TEX10: variants seen among roughly 807,000 people sequenced by gnomAD.
TEX10 encodes testis expressed 10.
A neutral mutation model predicts 104.4 loss-of-function variants in TEX10; 24 were observed. That is an observed-to-expected ratio of 0.23 (90% CI 0.17 to 0.32). The LOEUF (loss-of-function observed/expected upper bound fraction) is 0.32, where lower values mean the gene tolerates loss of function less well. Among genes scored for constraint, TEX10 ranks in the 10% least tolerant of loss-of-function variants. The pLI is 1.00. For missense variants in TEX10, 921 were observed against 1,083.9 expected (o/e 0.85, Z 2.11); for synonymous variants, 396 against 393.4 (o/e 1.01, Z -0.08).
intron 5 of TEX10, among the ~76,000 whole-genome samples, chr9:100,340,046 ATT>A (rs1421585715): frequency 6.6e-6 from 1 of 152,164 alleles, no homozygotes; most frequent in Non-Finnish European, 1.5e-5. Flanking sequence ...CAAAAAAACC[ATT>A]TTACAGACTA....
chr9:100,338,672 G>A (rs906749642), intron 5 of TEX10, among the ~76,000 whole-genome samples: 3 of 152,094 alleles, frequency 2.0e-5, no homozygotes, highest in African/African-American at 7.2e-5. Context: ...AGTGGGTCAC[G>A]AGGTAAGGAG....
intron 8 of TEX10, 72 bp downstream of exon 8, chr9:100,327,715 C>A: frequency 7.8e-7 from 1 of 1,285,810 alleles, no homozygotes; most frequent in Non-Finnish European, 1.0e-6. Context: ...TACAGAGCTC[C>A]CCTTAAAAAC....
At position 100,346,182 on chromosome 9, in the gene TEX10, G is replaced by A; in HGVS notation, c.1027C>T (p.Pro343Ser). 6.2e-7 allele frequency: 1 copy of A among 1,614,022 alleles called. No homozygotes were observed. Among genetic ancestry groups the A allele is most frequent in the South Asian group, 1.1e-5 (1 of 91,076 alleles). Residue 343 changes from proline (P) to serine (S), a missense_variant, in exon 4 of 15, where the codon CCT becomes TCT. This residue lies in a region of TEX10 where 753 missense variants were observed against 868.4 expected (regional missense o/e 0.87). Coordinates refer to ENST00000374902, the MANE Select transcript of TEX10 (RefSeq NM_017746.4). ...TCTCGTTCTATACCATTCCCAACAG[G>A]AGTAGCTAGTTGTGGAGGTACAGCT... is the stretch of plus-strand genomic sequence containing the variant. ...VEAVPPQLAT[P>S]VGNGIEREPL... is the part of the protein sequence containing the mutation.
At chr9:100,320,013 ACT>A (rs2118861490) in intron 11 of TEX10, among the ~76,000 whole-genome samples, 1 of 152,242 alleles carries the variant, frequency 6.6e-6, no homozygotes, top group African/African-American at 2.4e-5. Context: ...TCAAATTCTT[ACT>A]CTTTCATAAT....
chr9:100,347,374 A>C lies in TEX10; in HGVS notation c.213T>G (p.Ala71=), dbSNP rs748835744. The C allele has an allele frequency of 6.2e-7, 1 of 1,602,610 alleles. No individual in the cohort carries two copies. Among genetic ancestry groups the C allele is most frequent in the South Asian group, 1.1e-5 (1 of 89,576 alleles). Residue 71 remains alanine (A), a synonymous_variant, in exon 3 of 15, where the codon GCT becomes GCG. Coordinates refer to ENST00000374902, the MANE Select transcript of TEX10 (RefSeq NM_017746.4). ...DLLSQMHHYN[A]GVKQSALLGL... ...CAAGAAGAGCACTTTGTTTAACCCC[A>C]GCATTGTAGTGATGCATCTGTGACA...
intron 12 of TEX10, 111 bp from the exon 13 acceptor site, chr9:100,308,792 C>A: frequency 1.0e-6 from 1 of 975,462 alleles, no homozygotes; most frequent in Non-Finnish European, 1.4e-6. Flanking sequence ...TACTGAAAAC[C>A]AATATATACC....
intron 6 of TEX10, 95 bp downstream of exon 6, chr9:100,329,836 A>G: frequency 9.5e-7 from 1 of 1,050,572 alleles, no homozygotes; most frequent in Non-Finnish European, 1.4e-6. Flanking sequence ...GCCTGACTAC[A>G]TGGAATGTTT....
rs375341804 is a variant in TEX10, at chr9:100,306,186, G to A, written c.2465+2314C>T. 22 of 152,186 alleles carry A rather than the reference G, an allele frequency of 1.4e-4. No homozygotes were observed. The East Asian group carries it at 2.3e-3, about 16-fold the overall frequency. The allele number at this position is 152,186 out of a possible 1,614,324, so 9.4% of individuals were successfully genotyped here. On this transcript the variant is annotated intron_variant, in intron 13 of 14. Transcript: ENST00000374902. Reference sequence around the variant, plus strand: ...GCAAATTGAAAGATTTTTAAGAGACGAAGACAGAATAAAAAGCTCCCTATG... The same window carrying A: ...GCAAATTGAAAGATTTTTAAGAGACAAAGACAGAATAAAAAGCTCCCTATG...
intron 13 of TEX10, 104 bp from the exon 14 acceptor site, chr9:100,303,946 T>G: frequency 1.8e-6 from 2 of 1,133,058 alleles, no homozygotes; most frequent in Non-Finnish European, 2.6e-6. Flanking sequence ...GAACATGTTT[T>G]CCAATAACAT....
chr9:100,328,033 ATTT>A, intron 7 of TEX10, 71 bp from the exon 8 acceptor site: 1 of 1,250,204 alleles, frequency 8.0e-7, no homozygotes, highest in Non-Finnish European at 1.0e-6. Context: ...CAAAAAAAAA[ATTT>A]TTTTTTAACT....
In TEX10 at chr9:100,349,169, T is replaced by A; in HGVS notation, c.180+15A>T. On this transcript the variant is annotated intron_variant, in intron 2 of 14. Coordinates refer to ENST00000374902, the MANE Select transcript of TEX10 (RefSeq NM_017746.4). ...AAGAAAATCTTATTTTGTCAAAACA[T>A]GATTTATGATTTACCTTTATGTTAA... 1.3e-6 allele frequency: 2 copies of A among 1,510,886 alleles called. No individual in the cohort carries two copies. The highest frequency in any genetic ancestry group is 2.7e-5 in the South Asian group (2 of 72,906). 93.6% of individuals were successfully genotyped at this position (1,510,886 alleles called of 1,614,324 possible).
rs368407117 is a variant in TEX10, at chr9:100,352,374, C to G, written c.-10+398G>C. ...ACGGAACAGGGGACGCCAGCTCATC[C>G]CCACTCCGTATTCGGTCCTGCATCC... On this transcript the variant is annotated intron_variant, in intron 1 of 14. Coordinates refer to ENST00000374902, the MANE Select transcript of TEX10 (RefSeq NM_017746.4). 2.2e-4 allele frequency: 338 copies of G among 1,551,698 alleles called. No homozygotes were observed. The African/African-American group carries it at 4.0e-3, about 18-fold the overall frequency.
At position 100,330,142 on chromosome 9, in the gene TEX10, A is replaced by T. The variant is rs746659642; in HGVS notation, c.1278T>A (p.Asn426Lys). ...KSIKHCTVLSNNIDHLLLNLT... is the reference protein window; with the variant it reads ...KSIKHCTVLSKNIDHLLLNLT... ...AATTCAGTAAGAGATGATCTATGTTATTGGAGAGAACTGTGCAATGCTTGA... is the reference window on the plus strand; with the variant it reads ...AATTCAGTAAGAGATGATCTATGTTTTTGGAGAGAACTGTGCAATGCTTGA... Residue 426 changes from asparagine (N) to lysine (K), a missense_variant, in exon 6 of 15, where the codon AAT becomes AAA. By Grantham distance (94) the Asn-to-Lys change is moderately conservative. Coordinates refer to ENST00000374902, the MANE Select transcript of TEX10 (RefSeq NM_017746.4). The T allele has an allele frequency of 9.9e-6, 16 of 1,613,276 alleles. No homozygotes were observed. The South Asian group carries it at 1.7e-4, about 17-fold the overall frequency.
rs769510853 is a variant in TEX10 at position 100,340,318 on chromosome 9, T to C, written c.1189A>G (p.Ser397Gly). The change falls in exon 5 of 15, where the codon AGT becomes GGT. Residue 397 changes from serine to glycine, a missense_variant. Physicochemically the swap from Ser to Gly is moderately conservative, Grantham distance 56. Coordinates refer to ENST00000374902, the MANE Select transcript of TEX10 (RefSeq NM_017746.4). ...YLIDFKHHFM[S>G]RFPYVLKEIT... ...TCTTTTAAGACATATGGAAAACGAC[T>C]CATAAAATGGTGTTTAAAATCAATA... 1 of 1,574,676 alleles carries C rather than the reference T, an allele frequency of 6.4e-7. No homozygotes were observed. Among genetic ancestry groups the C allele is most frequent in the Non-Finnish European group, 8.6e-7 (1 of 1,166,874 alleles).
chr9:100,321,173 ATATACAG>A (rs992240701), intron 10 of TEX10, among the ~76,000 whole-genome samples: 2 of 152,192 alleles, frequency 1.3e-5, no homozygotes, highest in Non-Finnish European at 2.9e-5. Context: ...ACATTCATAA[ATATACAG>A]TAAACATATA....
chr9:100,346,883 AGGAATT>A lies in TEX10; in HGVS notation c.698_703del (p.Lys233_Leu235delinsIle). 1 of 1,614,198 alleles carries A rather than the reference AGGAATT, an allele frequency of 6.2e-7. No individual in the cohort carries two copies. Among genetic ancestry groups the A allele is most frequent in the Non-Finnish European group, 8.5e-7 (1 of 1,180,026 alleles). Reference sequence around the variant, plus strand: ...ACTGGATCCATCTGCCAAGGCCTGAAGGAATTTACTGAGTCTCACTAAGACTTTCAG... The same window carrying A: ...ACTGGATCCATCTGCCAAGGCCTGAATACTGAGTCTCACTAAGACTTTCAG... On this transcript the variant is annotated inframe_deletion, in exon 3 of 15. Transcript: ENST00000374902.
intron 12 of TEX10, 46 bp from the exon 13 acceptor site, chr9:100,308,727 G>A (rs761850011): frequency 3.5e-6 from 5 of 1,445,572 alleles, no homozygotes; most frequent in East Asian, 2.5e-5. Flanking sequence ...TAACAGACCC[G>A]CTCCTCCACA....
Position 100,346,675 on chromosome 9 carries a change from T to A in TEX10, c.893+19A>T, listed in dbSNP as rs767092610. 2.5e-6 allele frequency: 4 copies of A among 1,587,914 alleles called. No homozygotes were observed. The highest frequency in any genetic ancestry group is 3.4e-6 in the Non-Finnish European group (4 of 1,167,340). On this transcript the variant is annotated intron_variant, in intron 3 of 14. Transcript: ENST00000374902. Reference sequence around the variant, plus strand: ...TCAATACAGCAAAACTGTGTGGACATAACTGAAATCCTTCTTACCGTAGCC... The same window carrying A: ...TCAATACAGCAAAACTGTGTGGACAAAACTGAAATCCTTCTTACCGTAGCC...
At position 100,349,262 on chromosome 9, in the gene TEX10, T is replaced by C. The variant is rs1340510826; in HGVS notation, c.102A>G (p.Lys34=). The change falls in exon 2 of 15, where the codon AAA becomes AAG. Residue 34 remains lysine (K), a synonymous_variant. Transcript: ENST00000374902. ...GCTCAGGCAGATGTATAGTCTTTGT[T>C]TTAAAGTTTGTAGGAGTAGCATTTT... The part of the protein sequence containing the change: ...KLQNATPTNF[K]TKTIHLPEQL... 1.2e-6 allele frequency: 2 copies of C among 1,607,994 alleles called. No homozygotes were observed. Among genetic ancestry groups the C allele is most frequent in the Non-Finnish European group, 8.5e-7 (1 of 1,178,510 alleles).
Sources: gnomAD v4.1 joint callset for allele counts (sites outside exome capture counted in the v4.1 genomes callset) on GRCh38, gnomAD v4.1.1 for gene constraint, gnomAD v4.1.1 regional missense constraint, MANE v1.5 for transcripts, NCBI Gene and HGNC (gene_info 2026-07-23, HGNC 2026-07-21) for gene names.